The following PCDH11X variants were observed in gnomAD, a reference collection of about 807,000 sequenced individuals.
PCDH11X encodes protocadherin 11 X-linked, also known as protocadherin-11 X-linked.
PCDH11X carries 18 observed loss-of-function variants against 53.3 expected under a neutral mutation model. That is an observed-to-expected ratio of 0.34 (90% confidence interval 0.23 to 0.50). The LOEUF (loss-of-function observed/expected upper bound fraction) is 0.50, where lower values mean the gene tolerates loss of function less well. PCDH11X is among the 20% of genes least tolerant of loss of function. The pLI is 0.98. For synonymous variants in PCDH11X, 279 were observed against 393.3 expected (o/e 0.71, Z 3.44); for missense variants, 570 against 1,032.4 (o/e 0.55, Z 6.14).
At chrX:91,832,714 C>T (rs1263671821) in intron 4 of PCDH11X, among the ~76,000 whole-genome samples, 1 of 111,072 alleles carries the variant, frequency 9.0e-6, no homozygotes, top group African/African-American at 3.3e-5. Context: ...CTTCTTGGAA[C>T]TAGATCGCTC....
intron 6 of PCDH11X, among the ~76,000 whole-genome samples, chrX:92,101,287 A>G (rs145202608): frequency 0.023 from 2,580 of 111,226 alleles, 74 homozygotes; most frequent in African/African-American, 0.08. Flanking sequence ...AGTTGGTCTG[A>G]TGTCTGGAAT....
chrX:92,448,916 C>A (rs1336577939), intron 9 of PCDH11X, among the ~76,000 whole-genome samples: 2 of 111,659 alleles, frequency 1.8e-5, no homozygotes, highest in Non-Finnish European at 3.8e-5. Context: ...TTTTTCATAT[C>A]TTTTTAGAAT....
chrX:92,320,694 G>A (rs981426988), intron 8 of PCDH11X, among the ~76,000 whole-genome samples: 1 of 111,277 alleles, frequency 9.0e-6, no homozygotes, highest in African/African-American at 3.3e-5. Flanking sequence ...TTTAGAAAAG[G>A]AGAGGAAGAT....
At chrX:91,884,951 A>G (rs1940129735) in intron 6 of PCDH11X, among the ~76,000 whole-genome samples, 2 of 108,211 alleles carry the variant, frequency 1.8e-5, no homozygotes, top group South Asian at 8.1e-4. Context: ...TGCTCTGTTC[A>G]GTATTTCAAA....
At chrX:92,150,382 C>T (rs1322103696) in intron 6 of PCDH11X, among the ~76,000 whole-genome samples, 2 of 109,673 alleles carry the variant, frequency 1.8e-5, no homozygotes, top group Admixed American at 2.0e-4. Flanking sequence ...ATTTTTCATC[C>T]ATTTTTTTTT....
intron 6 of PCDH11X, among the ~76,000 whole-genome samples, chrX:92,117,953 G>T (rs915598996): frequency 5.3e-5 from 6 of 112,197 alleles, no homozygotes; most frequent in African/African-American, 1.9e-4. Flanking sequence ...AAGGAGCAAT[G>T]TGTAATAACA....
In PCDH11X at chrX:92,403,329, G is replaced by GTTTTTTTTTTTTTTTTTTTTTTTTT. The variant is rs1178198433; in HGVS notation, c.3343+15405_3343+15406insTTTTTTTTTTTTTTTTTTTTTTTTT. Among the ~76,000 whole-genome samples the GTTTTTTTTTTTTTTTTTTTTTTTTT allele has an allele frequency of 6.8e-5, 4 of 58,816 alleles. 1 individual carries two copies. Among genetic ancestry groups the GTTTTTTTTTTTTTTTTTTTTTTTTT allele is most frequent in the African/African-American group, 2.3e-4 (3 of 12,794 alleles). 51.1% of individuals were successfully genotyped at this position (58,816 alleles called of 115,157 possible). A position where few individuals can be genotyped will look rare whatever the true frequency, so the allele number is the denominator to read the frequency against. ...CTGGGATATGTGTCCGGGCATTTACGTTTTTTTTTGTTTTTTTTTTTTTTT... is the reference window on the plus strand; with the variant it reads ...CTGGGATATGTGTCCGGGCATTTACGTTTTTTTTTTTTTTTTTTTTTTTTTTTTTTTTTTGTTTTTTTTTTTTTTT... On this transcript the variant is annotated intron_variant, in intron 9 of 10. Transcript: ENST00000682573.
At chrX:92,365,939 A>G (rs2070460193) in intron 8 of PCDH11X, among the ~76,000 whole-genome samples, 1 of 110,640 alleles carries the variant, frequency 9.0e-6, no homozygotes, top group African/African-American at 3.3e-5. Flanking sequence ...CTGGCCTGAC[A>G]CTTTCTTTTT....
intron 6 of PCDH11X, among the ~76,000 whole-genome samples, chrX:91,993,880 G>A (rs1297458915): frequency 3.8e-5 from 4 of 104,131 alleles, no homozygotes; most frequent in Non-Finnish European, 5.9e-5. Context: ...TATTATTAAT[G>A]TCAAGAATAA....
At chrX:92,397,376 A>G (rs2071270452) in intron 9 of PCDH11X, among the ~76,000 whole-genome samples, 1 of 107,274 alleles carries the variant, frequency 9.3e-6, no homozygotes, top group Non-Finnish European at 1.9e-5. Flanking sequence ...TTTCTAACTG[A>G]TTGTTCCATT....
At chrX:91,948,524 A>G (rs1280266790) in intron 6 of PCDH11X, among the ~76,000 whole-genome samples, 2 of 110,720 alleles carry the variant, frequency 1.8e-5, no homozygotes, top group Non-Finnish European at 3.8e-5. Flanking sequence ...ATGGTTATAC[A>G]GGCTGTGCTC....
At chrX:91,995,535 C>T (rs1175411098) in intron 6 of PCDH11X, among the ~76,000 whole-genome samples, 1 of 111,407 alleles carries the variant, frequency 9.0e-6, no homozygotes, top group Non-Finnish European at 1.9e-5. Context: ...GTTCCATTGG[C>T]CTATGTGTCT....
chrX:92,049,899 G>A (rs1382239704), intron 6 of PCDH11X, among the ~76,000 whole-genome samples: 1 of 110,861 alleles, frequency 9.0e-6, no homozygotes, highest in African/African-American at 3.3e-5. Context: ...TCAGCCTCCC[G>A]AGTAGCTGGG....
chrX:92,232,946 ACCTCCTGATCCGCCCACCGCGG>A (rs2067106481), intron 7 of PCDH11X, among the ~76,000 whole-genome samples: 1 of 110,271 alleles, frequency 9.1e-6, no homozygotes, highest in South Asian at 3.9e-4. Flanking sequence ...CCATCTCCCG[ACCTCCTGATCCGCCCACCGCGG>A]CCTCCCAAAG....
chrX:91,911,752 T>C (rs1364492879), intron 6 of PCDH11X, among the ~76,000 whole-genome samples: 1 of 110,823 alleles, frequency 9.0e-6, no homozygotes, highest in Non-Finnish European at 1.9e-5. Flanking sequence ...TTCCTTACTA[T>C]ATCTTTGTCT....
intron 10 of PCDH11X, among the ~76,000 whole-genome samples, chrX:92,575,364 A>G (rs1328755980): frequency 4.5e-5 from 5 of 110,253 alleles, no homozygotes; most frequent in African/African-American, 1.6e-4. Flanking sequence ...AATTTTTAAT[A>G]ATTTTTATAT....
At chrX:91,779,779 G>C (rs1935061940) in intron 1 of PCDH11X, 95 bp downstream of exon 1, 1 of 104,713 alleles carries the variant, frequency 9.5e-6, no homozygotes. Flanking sequence ...CTGCCCCTGA[G>C]GTCTGAACTA....
chrX:92,122,769 T>G (rs2064793952), intron 6 of PCDH11X, among the ~76,000 whole-genome samples: 2 of 109,798 alleles, frequency 1.8e-5, no homozygotes, highest in Non-Finnish European at 3.8e-5. Flanking sequence ...AAACCTTGTC[T>G]CTACTAAAAT....
intron 10 of PCDH11X, among the ~76,000 whole-genome samples, chrX:92,543,667 C>T (rs2074794295): frequency 9.1e-6 from 1 of 109,749 alleles, no homozygotes; most frequent in Non-Finnish European, 1.9e-5. Context: ...GTAATCCCAG[C>T]TGAGGGAGGC....
Sources: allele counts gnomAD v4.1 joint callset (sites outside exome capture counted in the v4.1 genomes callset), GRCh38; gene constraint gnomAD v4.1.1; transcripts MANE v1.5; gene names NCBI Gene and HGNC (gene_info 2026-07-23, HGNC 2026-07-21).